The following RBFOX1 variants were observed in gnomAD, a reference collection of about 807,000 sequenced individuals.
RBFOX1 encodes RNA binding protein fox-1 homolog 1.
In RBFOX1, 8 loss-of-function variants were observed where a neutral mutation model predicts 57.7. The observed-to-expected ratio is 0.14, with a 90% CI of 0.08 to 0.25. RBFOX1 has a LOEUF of 0.25. Among genes scored for constraint, RBFOX1 ranks in the 10% least tolerant of loss-of-function variants. The pLI is 1.00. For synonymous variants in RBFOX1, 326 were observed against 222.4 expected, an observed-to-expected ratio of 1.47 and a Z score of -4.15; for missense variants, 611 against 548.5, an observed-to-expected ratio of 1.11 and a Z score of -1.14.
At chr16:6,693,760 C>T (rs949355651) in intron 3 of RBFOX1, among the ~76,000 whole-genome samples, 1 of 152,022 alleles carries the variant, frequency 6.6e-6, no homozygotes, top group Non-Finnish European at 1.5e-5. Flanking sequence ...ACATCACCAC[C>T]ATCATTAGCA....
intron 1 of RBFOX1, among the ~76,000 whole-genome samples, chr16:6,029,558 G>C (rs1012423146): frequency 6.1e-4 from 93 of 152,220 alleles, no homozygotes; most frequent in African/African-American, 2.1e-3. Flanking sequence ...TGGATCACGA[G>C]GTCAGGAGAT....
At chr16:6,431,362 G>GA (rs776544439) in intron 2 of RBFOX1, among the ~76,000 whole-genome samples, 3 of 151,972 alleles carry the variant, frequency 2.0e-5, no homozygotes, top group Non-Finnish European at 4.4e-5. Context: ...AATATGGAAA[G>GA]AAAAGTCTTT....
intron 1 of RBFOX1, among the ~76,000 whole-genome samples, chr16:6,102,160 A>C: frequency 7.1e-6 from 1 of 141,348 alleles, no homozygotes; most frequent in Non-Finnish European, 1.5e-5. Flanking sequence ...TATTAGGGTA[A>C]TCTTCCCTCT....
At chr16:6,431,896 G>GCTTGCTTT (rs1491277692) in intron 2 of RBFOX1, among the ~76,000 whole-genome samples, 3,008 of 128,042 alleles carry the variant, frequency 0.023, 47 homozygotes, top group South Asian at 0.027. Flanking sequence ...TTGCTTGCTT[G>GCTTGCTTT]CTTTCTTTCT....
At chr16:5,366,887 G>C (rs2065731907) in intron 1 of RBFOX1, among the ~76,000 whole-genome samples, 1 of 152,300 alleles carries the variant, frequency 6.6e-6, no homozygotes, top group South Asian at 2.1e-4. Flanking sequence ...TTCACCCTTT[G>C]CTTGGTCTTA....
At chr16:5,774,833 C>T (rs1251862099) in intron 3 of RBFOX1, among the ~76,000 whole-genome samples, 3 of 152,134 alleles carry the variant, frequency 2.0e-5, no homozygotes, top group Non-Finnish European at 4.4e-5. Context: ...CAGGCACGTG[C>T]CACCACACCT....
At chr16:6,154,570 C>G (rs1248227143) in intron 1 of RBFOX1, among the ~76,000 whole-genome samples, 2 of 152,124 alleles carry the variant, frequency 1.3e-5, no homozygotes, top group African/African-American at 2.4e-5. Context: ...ACAAGATGGT[C>G]TAAATCTTCT....
intron 2 of RBFOX1, among the ~76,000 whole-genome samples, chr16:6,610,773 T>C (rs1231265087): frequency 1.8e-4 from 27 of 152,230 alleles, no homozygotes; most frequent in Admixed American, 1.8e-3. Context: ...ACCAACAAAA[T>C]GTCTGTGACT....
chr16:7,707,693 C>T (rs1461287872), intron 14 of RBFOX1, among the ~76,000 whole-genome samples: 3 of 152,162 alleles, frequency 2.0e-5, no homozygotes, highest in African/African-American at 4.8e-5. Flanking sequence ...CTCAGGAAAG[C>T]CCACAGCTAA....
intron 2 of RBFOX1, among the ~76,000 whole-genome samples, chr16:5,515,229 G>T (rs1353379633): frequency 6.6e-6 from 1 of 152,250 alleles, no homozygotes; most frequent in Non-Finnish European, 1.5e-5. Flanking sequence ...CAGGTGGCCT[G>T]TGCCTACTGT....
rs538877586 is a variant in RBFOX1, at chr16:7,341,360, C to A, written c.28-176787C>A. 2.0e-5 allele frequency among the ~76,000 whole-genome samples: 3 copies of A among 152,244 alleles called. No homozygotes were observed. The South Asian group carries it at 6.2e-4, about 32-fold the overall frequency. Reference sequence around the variant, plus strand: ...AGGCAAAGGCTCCATGAAACTCATTCATTTATTAAGATAATGATTTATCAA... The same window carrying A: ...AGGCAAAGGCTCCATGAAACTCATTAATTTATTAAGATAATGATTTATCAA... On this transcript the variant is annotated intron_variant, in intron 4 of 15. Coordinates refer to ENST00000550418, the MANE Select transcript of RBFOX1 (RefSeq NM_018723.4).
intron 3 of RBFOX1, among the ~76,000 whole-genome samples, chr16:6,909,604 C>G (rs181413345): frequency 2.6e-5 from 4 of 152,214 alleles, no homozygotes; most frequent in Non-Finnish European, 5.9e-5. Context: ...GACATGTAAT[C>G]TCCCCAAGCC....
chr16:5,825,374 C>T (rs2056000728), intron 3 of RBFOX1, among the ~76,000 whole-genome samples: 1 of 152,178 alleles, frequency 6.6e-6, no homozygotes, highest in Admixed American at 6.5e-5. Flanking sequence ...CACCTTCATG[C>T]TCATTTCCTG....
At chr16:7,371,652 AG>A (rs2097568412) in intron 4 of RBFOX1, among the ~76,000 whole-genome samples, 1 of 152,210 alleles carries the variant, frequency 6.6e-6, no homozygotes, top group South Asian at 2.1e-4. Context: ...CAGGATACTG[AG>A]GCAGGAGAAT....
At chr16:5,534,791 A>T (rs574237148) in intron 2 of RBFOX1, among the ~76,000 whole-genome samples, 24 of 152,340 alleles carry the variant, frequency 1.6e-4, no homozygotes, top group Admixed American at 2.0e-4. Context: ...TAGATCTAAG[A>T]ATCCTGAGTT....
intron 2 of RBFOX1, among the ~76,000 whole-genome samples, chr16:6,512,985 T>G (rs1019575694): frequency 1.3e-5 from 2 of 152,198 alleles, no homozygotes; most frequent in African/African-American, 4.8e-5. Flanking sequence ...CAGAATAATT[T>G]TGTTACGAAT....
At position 7,356,586 on chromosome 16, in the gene RBFOX1, T is replaced by C. The variant is rs570026510; in HGVS notation, c.28-161561T>C. On this transcript the variant is annotated intron_variant, in intron 4 of 15. Coordinates refer to ENST00000550418, the MANE Select transcript of RBFOX1 (RefSeq NM_018723.4). ...CAGCATGATAATGAGTTTGGATTTT[T>C]ATAGAGGTGCAGTAAGAAGCCACTG... is the stretch of plus-strand genomic sequence containing the variant. Among the ~76,000 whole-genome samples the C allele has an allele frequency of 4.5e-4, 69 of 152,254 alleles. 1 individual carries two copies. The highest frequency in any genetic ancestry group is 1.6e-3 in the African/African-American group (68 of 41,554).
At chr16:7,056,516 A>T (rs940039107) in intron 4 of RBFOX1, among the ~76,000 whole-genome samples, 3 of 152,276 alleles carry the variant, frequency 2.0e-5, no homozygotes, top group East Asian at 3.9e-4. Flanking sequence ...ACCATATCCA[A>T]TTATCAACAT....
intron 1 of RBFOX1, among the ~76,000 whole-genome samples, chr16:6,108,504 C>T (rs750998424): frequency 1.3e-5 from 2 of 152,160 alleles, no homozygotes; most frequent in African/African-American, 2.4e-5. Context: ...GCATTATCAT[C>T]ATTTCCTTTA....
Sources: gnomAD v4.1 joint callset for allele counts (sites outside exome capture counted in the v4.1 genomes callset) on GRCh38, gnomAD v4.1.1 for gene constraint, MANE v1.5 for transcripts, NCBI Gene and HGNC (gene_info 2026-07-23, HGNC 2026-07-21) for gene names.